The following MUC5AC variants were observed in gnomAD, a reference collection of about 807,000 sequenced individuals.
MUC5AC encodes mucin 5AC, oligomeric mucus/gel-forming.
Under a neutral mutation model 169.7 loss-of-function variants are expected in MUC5AC, and 158 were observed. That is an observed-to-expected ratio of 0.93 (90% CI 0.82 to 1.06). MUC5AC has a LOEUF of 1.06. Ranked by LOEUF, MUC5AC falls within the 50% of genes least tolerant of loss-of-function variation. The pLI is 0.00. For synonymous variants in MUC5AC, 1,975 were observed against 1,237.0 expected (o/e 1.60, Z -12.52); for missense variants, 4,359 against 3,089.9 (o/e 1.41, Z -9.74).
chr11:1,199,038 G>C (rs763513281), intron 44 of MUC5AC, 42 bp downstream of exon 44: 9 of 762,928 alleles, frequency 1.2e-5, no homozygotes, highest in Admixed American at 3.4e-5. Flanking sequence ...CTGGCTCTTG[G>C]GGGGCAGCGG....
rs1462462847 is a variant in MUC5AC, at chr11:1,186,922, C to G, written c.8777C>G (p.Ser2926Ter). The G allele has an allele frequency of 1.4e-6, 1 of 723,952 alleles. No homozygotes were observed. The highest frequency in any genetic ancestry group is 1.7e-5 in the African/African-American group (1 of 57,800). The allele number at this position is 723,952 out of a possible 1,614,324, so 44.8% of individuals were successfully genotyped here. The change falls in exon 31 of 49, where the codon TCA becomes TGA. Residue 2926 changes from serine to a stop codon, truncating the protein, a stop_gained. Coordinates refer to ENST00000621226, the MANE Select transcript of MUC5AC (RefSeq NM_001304359.2). LOFTEE classifies it high-confidence loss of function. ...TTSAPTSSTT[S>*]ATTTSTISVP... ...TCTGCCCCTACAAGCAGCACAACCT[C>G]AGCTACTACAACCAGCACAATCTCT...
Position 1,174,682 on chromosome 11 carries a change from C to A in MUC5AC, c.2092+60C>A. The A allele has an allele frequency of 1.4e-5, 10 of 694,566 alleles. No homozygotes were observed. The South Asian group carries it at 1.9e-4, about 13-fold the overall frequency. The allele number at this position is 694,566 out of a possible 1,614,324, so 43.0% of individuals were successfully genotyped here. A position where few individuals can be genotyped will look rare whatever the true frequency, so the allele number is the denominator to read the frequency against. On this transcript the variant is annotated intron_variant, in intron 17 of 48. Coordinates refer to ENST00000621226, the MANE Select transcript of MUC5AC (RefSeq NM_001304359.2). ...CTGGGTGGCCGCGGGTCTTGGGGTG[C>A]CCCCAGTGTGCACAGGTTGCTCTAA...
At chr11:1,192,618 T>C in intron 31 of MUC5AC, 93 bp downstream of exon 31, 1 of 710,678 alleles carries the variant, frequency 1.4e-6, no homozygotes, top group Non-Finnish European at 2.6e-6. Context: ...TAGGAGTCTC[T>C]GCTCTTTGTG....
At chr11:1,196,783 T>C in intron 39 of MUC5AC, 63 bp downstream of exon 39, 1 of 730,380 alleles carries the variant, frequency 1.4e-6, no homozygotes, top group South Asian at 1.4e-5. Flanking sequence ...GTTGGCCAGG[T>C]CCTGGGGTCT....
In MUC5AC at chr11:1,188,558, C is replaced by G. The variant is rs1467486869; in HGVS notation, c.10413C>G (p.Thr3471=). ...CCTCCACTCCACAGACCAGCAAAAC[C>G]TCAGCTGCTACAAGCAGCACAACCT... ...STTSTPQTSK[T]SAATSSTTSG... Residue 3471 remains threonine (T), a synonymous_variant, in exon 31 of 49, where the codon ACC becomes ACG. Coordinates refer to ENST00000621226, the MANE Select transcript of MUC5AC (RefSeq NM_001304359.2). The G allele has an allele frequency of 1.1e-3, 803 of 760,282 alleles. 2 individuals are homozygous for G. The African/African-American group carries it at 0.012, about 12-fold the overall frequency. The allele number at this position is 760,282 out of a possible 1,614,324, so 47.1% of individuals were successfully genotyped here. A position where few individuals can be genotyped will look rare whatever the true frequency, so the allele number is the denominator to read the frequency against.
Position 1,168,999 on chromosome 11 carries a change from G to A in MUC5AC, c.1843G>A (p.Asp615Asn), listed in dbSNP as rs1860415439. ...ACPNIRNSFE[D>N]PCSLSVENEK... ...CCCCAACATCAGGAACAGCTTCGAG[G>A]ACCCCTGCTCTCTGAGCGTGGAGAA... The change falls in exon 15 of 49, where the codon GAC (aspartate) becomes AAC (asparagine). Residue 615 changes from aspartate to asparagine, a missense_variant. Asp to Asn is a conservative substitution (Grantham distance 23). Coordinates refer to ENST00000621226, the MANE Select transcript of MUC5AC (RefSeq NM_001304359.2). 1.2e-6 allele frequency: 2 copies of A among 1,605,498 alleles called. No homozygotes were observed. Among genetic ancestry groups the A allele is most frequent in the Non-Finnish European group, 8.5e-7 (1 of 1,175,756 alleles).
rs1861165925 is a variant in MUC5AC at position 1,193,090 on chromosome 11, C to T, written c.14580+108C>T. 1.5e-5 allele frequency: 9 copies of T among 596,896 alleles called. No homozygotes were observed. In the East Asian group the frequency reaches 2.5e-4, roughly 16 times the overall value. The allele number at this position is 596,896 out of a possible 1,614,324, so 37.0% of individuals were successfully genotyped here. Reference sequence around the variant, plus strand: ...CAAAGTCTTGAGAAGGTCACTGGCGCTAGTGGAGGCAGCCCGGCCGTCAGG... The same window carrying T: ...CAAAGTCTTGAGAAGGTCACTGGCGTTAGTGGAGGCAGCCCGGCCGTCAGG... On this transcript the variant is annotated intron_variant, in intron 32 of 48. Transcript: ENST00000621226.
intron 15 of MUC5AC, 36 bp downstream of exon 15, chr11:1,169,062 C>T (rs775421690): frequency 6.6e-7 from 1 of 1,510,386 alleles, no homozygotes; most frequent in South Asian, 1.3e-5. Flanking sequence ...GTGCTGGCCG[C>T]CTGGCGCTGG....
chr11:1,176,057 G>A lies in MUC5AC; in HGVS notation c.2402-94G>A, dbSNP rs918013348. 2.7e-4 allele frequency: 108 copies of A among 398,190 alleles called. 1 individual carries two copies. Among genetic ancestry groups the A allele is most frequent in the African/African-American group, 1.8e-3 (89 of 48,626 alleles). 24.7% of individuals were successfully genotyped at this position (398,190 alleles called of 1,614,324 possible). ...TCATGCACACGCACCCACTCAATGTGCACGCACATGGCACAGACACGTCCT... is the reference window on the plus strand; with the variant it reads ...TCATGCACACGCACCCACTCAATGTACACGCACATGGCACAGACACGTCCT... On this transcript the variant is annotated intron_variant, in intron 19 of 48. Coordinates refer to ENST00000621226, the MANE Select transcript of MUC5AC (RefSeq NM_001304359.2).
In MUC5AC at chr11:1,184,315, C is replaced by T. The variant is rs1206477188; in HGVS notation, c.6170C>T (p.Pro2057Leu). Residue 2057 changes from proline (P) to leucine (L), a missense_variant, in exon 31 of 49, where the codon CCA becomes CTA. Coordinates refer to ENST00000621226, the MANE Select transcript of MUC5AC (RefSeq NM_001304359.2). ...GTGTGCAGAGACATCACCAGACCGC[C>T]AAAGACCGTCGCAACGACACGGCCG... ...VNVCRDITRP[P>L]KTVATTRPTP... The T allele has an allele frequency of 2.1e-6, 1 of 475,708 alleles. No homozygotes were observed. The highest frequency in any genetic ancestry group is 3.7e-5 in the Admixed American group (1 of 26,812). The allele number at this position is 475,708 out of a possible 1,614,324, so 29.5% of individuals were successfully genotyped here.
At chr11:1,166,768 C>T (rs1318885250) in intron 11 of MUC5AC, among the ~76,000 whole-genome samples, 1 of 47,718 alleles carries the variant, frequency 2.1e-5, no homozygotes. Flanking sequence ...ACACAGTCTC[C>T]CCAAGATGAG....
intron 45 of MUC5AC, 67 bp downstream of exon 45, chr11:1,199,252 C>G: frequency 1.4e-6 from 1 of 710,424 alleles, no homozygotes; most frequent in African/African-American, 1.7e-5. Context: ...GGGGACCTGT[C>G]GTTGCCAGGC....
At chr11:1,177,737 A>C in intron 24 of MUC5AC, 104 bp downstream of exon 24, 46 of 322,352 alleles carry the variant, frequency 1.4e-4, no homozygotes, top group East Asian at 2.0e-4. Context: ...ACAGAGAGAA[A>C]CACAGAGATG....
At chr11:1,193,064 G>A (rs971473496) in intron 32 of MUC5AC, 82 bp downstream of exon 32, 8 of 612,042 alleles carry the variant, frequency 1.3e-5, no homozygotes, top group African/African-American at 1.1e-4. Context: ...GTCTTCAGCT[G>A]CAAAGTCTTG....
rs763136955 is a variant in MUC5AC, at chr11:1,196,376, C to T, written c.15638-12C>T. 4 of 764,462 alleles carry T rather than the reference C, an allele frequency of 5.2e-6. No individual in the cohort carries two copies. Among genetic ancestry groups the T allele is most frequent in the Non-Finnish European group, 9.6e-6 (4 of 417,566 alleles). 47.4% of individuals were successfully genotyped at this position (764,462 alleles called of 1,614,324 possible). On this transcript the variant is annotated splice_polypyrimidine_tract_variant and intron_variant, in intron 37 of 48. Coordinates refer to ENST00000621226, the MANE Select transcript of MUC5AC (RefSeq NM_001304359.2). Reference sequence around the variant, plus strand: ...CTCCCACCCTCTCAGGTGTGGCTTCCCCTCCCCACAGCATTCACCTGCCCA... The same window carrying T: ...CTCCCACCCTCTCAGGTGTGGCTTCTCCTCCCCACAGCATTCACCTGCCCA...
rs1860109386 is a variant in MUC5AC, at chr11:1,160,528, G to A, written c.74-84G>A. 5.8e-6 allele frequency: 7 copies of A among 1,207,308 alleles called. No individual in the cohort carries two copies. The South Asian group carries it at 7.8e-5, about 13-fold the overall frequency. 74.8% of individuals were successfully genotyped at this position (1,207,308 alleles called of 1,614,324 possible). On this transcript the variant is annotated intron_variant, in intron 1 of 48. Transcript: ENST00000621226. The stretch of plus-strand genomic sequence containing the variant: ...ACGCACTGTGGCCTCCCGTCCCTCT[G>A]GTGTCCATGCTGCATCTGTGGCCGC...
At position 1,164,545 on chromosome 11, in the gene MUC5AC, C is replaced by G; in HGVS notation, c.1129+13C>G. Reference sequence around the variant, plus strand: ...TTCTGCCCTGAGGGTGAGGCTCCCCCGCCCCTGGGAAACACAGGTGCACCC... The same window carrying G: ...TTCTGCCCTGAGGGTGAGGCTCCCCGGCCCCTGGGAAACACAGGTGCACCC... On this transcript the variant is annotated intron_variant, in intron 9 of 48. Transcript: ENST00000621226. The G allele has an allele frequency of 6.3e-7, 1 of 1,597,640 alleles. No individual in the cohort carries two copies. Among genetic ancestry groups the G allele is most frequent in the Non-Finnish European group, 8.5e-7 (1 of 1,173,108 alleles).
At chr11:1,178,185 G>A (rs947502565) in intron 24 of MUC5AC, among the ~76,000 whole-genome samples, 99 of 152,252 alleles carry the variant, frequency 6.5e-4, no homozygotes, top group Non-Finnish European at 1.1e-3. Context: ...TCGAGGCCAC[G>A]TCAGCTTCTT....
rs1446458429 is a variant in MUC5AC at position 1,172,498 on chromosome 11, C to A, written c.1940C>A (p.Ala647Asp). 3 of 398,596 alleles carry A rather than the reference C, an allele frequency of 7.5e-6. No homozygotes were observed. The highest frequency in any genetic ancestry group is 1.3e-5 in the Non-Finnish European group (3 of 226,100). 24.7% of individuals were successfully genotyped at this position (398,596 alleles called of 1,614,324 possible). The change falls in exon 16 of 49, where the codon GCC (alanine) becomes GAC (aspartate). Residue 647 changes from alanine to aspartate, a missense_variant. Transcript: ENST00000621226. ...ADGPFGRCHA[A>D]VKPGTYYSNC... Reference sequence around the variant, plus strand: ...GGCCCCTTCGGCCGGTGCCATGCTGCCGTGAAGCCGGGAACCTACTACTCG... The same window carrying A: ...GGCCCCTTCGGCCGGTGCCATGCTGACGTGAAGCCGGGAACCTACTACTCG...
Sources: gnomAD v4.1 joint callset for allele counts (sites outside exome capture counted in the v4.1 genomes callset) on GRCh38, gnomAD v4.1.1 for gene constraint, MANE v1.5 for transcripts, NCBI Gene and HGNC (gene_info 2026-07-23, HGNC 2026-07-21) for gene names.